The following SRD5A2 variants were observed in gnomAD, a reference collection of about 807,000 sequenced individuals.
The protein encoded by SRD5A2 is steroid 5 alpha-reductase 2.
Under a neutral mutation model 27.4 loss-of-function variants are expected in SRD5A2, and 30 were observed. The ratio of observed to expected loss-of-function variants is 1.10; its 90% CI spans 0.82 to 1.49. The LOEUF (loss-of-function observed/expected upper bound fraction) is 1.49. Ranked by LOEUF, SRD5A2 falls within the 40% of genes most tolerant of loss-of-function variation. SRD5A2 has a pLI of 0.00. For synonymous variants in SRD5A2, 141 were observed against 133.6 expected (o/e 1.06, Z -0.38); for missense variants, 348 against 323.4 (o/e 1.08, Z -0.58).
chr2:31,589,362 C>T, the SRD5A2 span, among the ~76,000 whole-genome samples: 38 of 152,286 alleles, frequency 2.5e-4, no homozygotes, highest in African/African-American at 8.2e-4. Flanking sequence ...AATGTAGACA[C>T]GAATTCAGTC....
chr2:31,523,919 A>G lies in SRD5A2; in HGVS notation c.*2277T>C, dbSNP rs1408494555. On this transcript the variant is annotated 3_prime_UTR_variant, in exon 5 of 5. Transcript: ENST00000622030. ...ATCAAGGGAAGGTTTCAGCTTTCAT[A>G]GAGTTCACGCTACTCTACCCTATAT... 3 of 218,616 alleles carry G rather than the reference A, an allele frequency of 1.4e-5. No individual in the cohort carries two copies. The East Asian group carries it at 2.0e-4, about 15-fold the overall frequency. The allele number at this position is 218,616 out of a possible 1,614,324, so 13.5% of individuals were successfully genotyped here. A position where few individuals can be genotyped will look rare whatever the true frequency, so the allele number is the denominator to read the frequency against.
At position 31,531,439 on chromosome 2, in the gene SRD5A2, T is replaced by C; in HGVS notation, c.479A>G (p.Asn160Ser). The C allele has an allele frequency of 6.2e-7, 1 of 1,600,460 alleles. No individual in the cohort carries two copies. Among genetic ancestry groups the C allele is most frequent in the Non-Finnish European group, 8.5e-7 (1 of 1,173,078 alleles). The change falls in exon 3 of 5, where the codon AAC (asparagine) becomes AGC (serine). Residue 160 changes from asparagine to serine, a missense_variant. Physicochemically the swap from Asn to Ser is conservative, Grantham distance 46 (BLOSUM62 1). Coordinates refer to ENST00000622030, the MANE Select transcript of SRD5A2 (RefSeq NM_000348.4). Reference protein sequence around the residue: ...VFLFILGMGINIHSDYILRQL... With the variant: ...VFLFILGMGISIHSDYILRQL... Reference sequence around the variant, plus strand: ...GCGCAATATATAGTCACTATGAATGTTTATTCCCATTCCCAAAATAAATAA... The same window carrying C: ...GCGCAATATATAGTCACTATGAATGCTTATTCCCATTCCCAAAATAAATAA...
the SRD5A2 span, among the ~76,000 whole-genome samples, chr2:31,640,160 A>C: frequency 1.4e-5 from 2 of 146,790 alleles, no homozygotes; most frequent in Non-Finnish European, 3.0e-5. Context: ...TCAGTTCAGC[A>C]TATGCATTTC....
At chr2:31,662,055 TTAACA>T in the SRD5A2 span, among the ~76,000 whole-genome samples, 1 of 152,172 alleles carries the variant, frequency 6.6e-6, no homozygotes, top group East Asian at 1.9e-4. Flanking sequence ...CTTTTCACTC[TTAACA>T]TTTTTCCCAC....
At chr2:31,649,696 T>A in the SRD5A2 span, among the ~76,000 whole-genome samples, 3 of 152,132 alleles carry the variant, frequency 2.0e-5, no homozygotes, top group Admixed American at 6.5e-5. Flanking sequence ...TCCCAGAGTG[T>A]ATCATTGTAA....
At position 31,531,425 on chromosome 2, in the gene SRD5A2, A is replaced by T. The variant is rs1287841865; in HGVS notation, c.493T>A (p.Tyr165Asn). The stretch of plus-strand genomic sequence containing the variant: ...GGCTTCCTGAGCTGGCGCAATATAT[A>T]GTCACTATGAATGTTTATTCCCATT... ...LGMGINIHSD[Y>N]ILRQLRKPGE... Residue 165 changes from tyrosine (Y) to asparagine (N), a missense_variant, in exon 3 of 5, where the codon TAT becomes AAT. Transcript: ENST00000622030. 1.6e-5 allele frequency: 26 copies of T among 1,601,454 alleles called. No homozygotes were observed. Among genetic ancestry groups the T allele is most frequent in the Non-Finnish European group, 1.9e-5 (22 of 1,173,720 alleles).
At chr2:31,602,873 T>C in the SRD5A2 span, among the ~76,000 whole-genome samples, 2 of 152,022 alleles carry the variant, frequency 1.3e-5, no homozygotes, top group Non-Finnish European at 1.5e-5. Context: ...ATGCAAAGAA[T>C]TGATACTGGA....
chr2:31,530,127 A>G (rs928039678), intron 3 of SRD5A2, among the ~76,000 whole-genome samples: 2 of 152,214 alleles, frequency 1.3e-5, no homozygotes, highest in Non-Finnish European at 2.9e-5. Flanking sequence ...CATATTTCTA[A>G]TGATATTAAA....
chr2:31,584,884 C>A (rs1667149571), upstream of SRD5A2, among the ~76,000 whole-genome samples: 2 of 152,174 alleles, frequency 1.3e-5, no homozygotes, highest in African/African-American at 4.8e-5. Context: ...CTTTGTGTTG[C>A]TGAAAAAGGC....
chr2:31,600,205 T>A, the SRD5A2 span, among the ~76,000 whole-genome samples: 1 of 152,014 alleles, frequency 6.6e-6, no homozygotes, highest in Non-Finnish European at 1.5e-5. Context: ...GGTATATATG[T>A]GCCACATTTT....
At chr2:31,640,284 A>C in the SRD5A2 span, among the ~76,000 whole-genome samples, 1 of 151,870 alleles carries the variant, frequency 6.6e-6, no homozygotes, top group Admixed American at 6.6e-5. Flanking sequence ...TTTCTTTAAA[A>C]TTGCTATTTT....
chr2:31,603,251 A>T, the SRD5A2 span, among the ~76,000 whole-genome samples: 2 of 152,000 alleles, frequency 1.3e-5, no homozygotes, highest in Non-Finnish European at 2.9e-5. Context: ...ACATGAACAG[A>T]CACTTCTCAA....
chr2:31,612,333 A>G, the SRD5A2 span, among the ~76,000 whole-genome samples: 1 of 151,978 alleles, frequency 6.6e-6, no homozygotes, highest in Non-Finnish European at 1.5e-5. Context: ...CTATTGAGTC[A>G]TGCAACAACA....
intron 1 of SRD5A2, among the ~76,000 whole-genome samples, chr2:31,569,203 C>T (rs1175660119): frequency 6.6e-6 from 1 of 152,264 alleles, no homozygotes; most frequent in African/African-American, 2.4e-5. Context: ...GCAGCCACTC[C>T]AGTCAGGCTG....
At chr2:31,655,024 T>C in the SRD5A2 span, among the ~76,000 whole-genome samples, 1 of 152,242 alleles carries the variant, frequency 6.6e-6, no homozygotes, top group Middle Eastern at 3.2e-3. Context: ...AGGGGAAATA[T>C]CAGTTATGTT....
At chr2:31,625,824 G>A in the SRD5A2 span, among the ~76,000 whole-genome samples, 1 of 152,142 alleles carries the variant, frequency 6.6e-6, no homozygotes, top group East Asian at 1.9e-4. Context: ...TTTTTGCTTA[G>A]GATTGTCTTG....
At chr2:31,575,949 G>C (rs1157749655) in intron 1 of SRD5A2, among the ~76,000 whole-genome samples, 1 of 152,196 alleles carries the variant, frequency 6.6e-6, no homozygotes, top group Non-Finnish European at 1.5e-5. Context: ...AGAGAGTTTA[G>C]ACAAGGGGTC....
chr2:31,636,910 C>A, the SRD5A2 span, among the ~76,000 whole-genome samples: 52 of 152,156 alleles, frequency 3.4e-4, no homozygotes, highest in Middle Eastern at 3.4e-3. Flanking sequence ...CTATGTTCAT[C>A]AGGGATATTG....
chr2:31,604,372 A>T, the SRD5A2 span, among the ~76,000 whole-genome samples: 11 of 151,974 alleles, frequency 7.2e-5, no homozygotes, highest in African/African-American at 2.6e-4. Context: ...ATATGTTCTC[A>T]TATTTAGAAA....
Sources: gnomAD v4.1 joint callset for allele counts (sites outside exome capture counted in the v4.1 genomes callset) on GRCh38, gnomAD v4.1.1 for gene constraint, MANE v1.5 for transcripts, NCBI Gene and HGNC (gene_info 2026-07-23, HGNC 2026-07-21) for gene names.